Variants in EIF3I observed in about 807,000 individuals in gnomAD.
The protein encoded by EIF3I is TGF-beta receptor-interacting protein 1.
Under a neutral mutation model 43.3 loss-of-function variants are expected in EIF3I, and 20 were observed. That is an observed-to-expected ratio of 0.46 (90% CI 0.32 to 0.67). The LOEUF (loss-of-function observed/expected upper bound fraction) is 0.67. Ranked by LOEUF, EIF3I falls within the 30% of genes least tolerant of loss-of-function variation. The pLI is 0.03. For missense variants in EIF3I, 279 were observed against 421.4 expected (o/e 0.66, Z 2.96); for synonymous variants, 167 against 151.7 (o/e 1.10, Z -0.74).
chr1:32,229,161 C>T (rs777645990), exon 9 of EIF3I: 11 of 1,614,150 alleles, frequency 6.8e-6, no homozygotes, highest in Non-Finnish European at 9.3e-6. Context: ...GTCAGGAAGC[C>T]ATGGATGTAA....
At chr1:32,226,357 G>C (rs751405254) in intron 5 of EIF3I, 37 bp downstream of exon 5, 1 of 1,613,738 alleles carries the variant, frequency 6.2e-7, no homozygotes, top group East Asian at 2.2e-5. Flanking sequence ...TGAGGTAAAG[G>C]GTACAGTTCT....
rs573555723 is a variant in EIF3I at position 32,226,436 on chromosome 1, A to G, written c.434A>G (p.Asn145Ser). Residue 145 changes from asparagine to serine, a missense_variant, in exon 6 of 12, where the codon AAT becomes AGT. Asn to Ser is a conservative substitution (Grantham distance 46, BLOSUM62 1). This residue lies in a region of EIF3I where 156 missense variants were observed against 178.8 expected (regional missense o/e 0.87). Coordinates refer to ENST00000676679, the Ensembl canonical transcript of EIF3I. ...GAGCCCTACATGAAGATCCCTTGCA[A>G]TGACTCTAAAATCACCAGTGCTGTT... 1.7e-4 allele frequency: 266 copies of G among 1,604,336 alleles called. 2 individuals carry two copies. The highest frequency in any genetic ancestry group is 1.4e-3 in the South Asian group (124 of 89,336).
chr1:32,234,187 A>T (rs1218815168), downstream of EIF3I: 1 of 151,880 alleles, frequency 6.6e-6, no homozygotes, highest in African/African-American at 2.4e-5. Context: ...AATCCCAGCT[A>T]CTCGGGAGGC....
In EIF3I at chr1:32,229,321, C is replaced by T. The variant is rs536265271; in HGVS notation, c.803+113C>T. 6.3e-5 allele frequency: 71 copies of T among 1,126,960 alleles called. No individual in the cohort carries two copies. In the East Asian group the frequency reaches 9.1e-4, roughly 14 times the overall value. 69.8% of individuals were successfully genotyped at this position (1,126,960 alleles called of 1,614,324 possible). Reference sequence around the variant, plus strand: ...TGTCGCCTAGGCTGGAGCGCAGTGGCGTGATCTCTGCTCACTGCAAGCTCT... The same window carrying T: ...TGTCGCCTAGGCTGGAGCGCAGTGGTGTGATCTCTGCTCACTGCAAGCTCT... On this transcript the variant is annotated intron_variant, in intron 9 of 11. Transcript: ENST00000676679.
At chr1:32,233,029 T>C (rs901469031), downstream of EIF3I, among the ~76,000 whole-genome samples, 1 of 152,238 alleles carries the variant, frequency 6.6e-6, no homozygotes, top group Non-Finnish European at 1.5e-5. Flanking sequence ...AGTCCCACCC[T>C]GTTGCCTAGG....
chr1:32,226,246 T>C (rs757619150), exon 5 of EIF3I: 9 of 1,613,986 alleles, frequency 5.6e-6, no homozygotes, highest in South Asian at 1.1e-5. Context: ...AACATCATCA[T>C]GTTCTCCACG....
At chr1:32,224,230 C>T in intron 3 of EIF3I, 109 bp downstream of exon 3, 1 of 1,146,668 alleles carries the variant, frequency 8.7e-7, no homozygotes, top group Non-Finnish European at 1.3e-6. Flanking sequence ...GAGAACGATA[C>T]CTCCTACTCC....
intron 6 of EIF3I, among the ~76,000 whole-genome samples, chr1:32,228,037 G>A (rs1203123991): frequency 1.3e-5 from 2 of 152,178 alleles, no homozygotes; most frequent in Non-Finnish European, 1.5e-5. Flanking sequence ...AGAATAAATG[G>A]AGCTTCAAGC....
chr1:32,230,424 G>A (rs914551607), intron 10 of EIF3I, among the ~76,000 whole-genome samples: 2 of 151,888 alleles, frequency 1.3e-5, no homozygotes, highest in African/African-American at 4.8e-5. Flanking sequence ...TAGTAGAGAT[G>A]TTGGCCAGGC....
At position 32,226,060 on chromosome 1, in the gene EIF3I, AG is replaced by A. The variant is rs1303085664; in HGVS notation, c.251-110del. On this transcript the variant is annotated intron_variant, in intron 4 of 11. Coordinates refer to ENST00000676679, the Ensembl canonical transcript of EIF3I. ...AAAAGAAAAGTTAAAATACTTTTTA[AG>A]TTTGGGTCACTGGAGCAAGACAAAC... The A allele has an allele frequency of 5.8e-6, 8 of 1,373,354 alleles. No individual in the cohort carries two copies. The African/African-American group carries it at 1.2e-4, about 20-fold the overall frequency. The allele number at this position is 1,373,354 out of a possible 1,614,324, so 85.1% of individuals were successfully genotyped here. A position where few individuals can be genotyped will look rare whatever the true frequency, so the allele number is the denominator to read the frequency against.
At chr1:32,223,018 C>T (rs1639055253) in intron 2 of EIF3I, among the ~76,000 whole-genome samples, 2 of 152,104 alleles carry the variant, frequency 1.3e-5, no homozygotes, top group Admixed American at 6.5e-5. Context: ...CGCTTGAGCG[C>T]GGTGAGCTGA....
At chr1:32,236,079 T>G (rs2124275139), downstream of EIF3I, among the ~76,000 whole-genome samples, 1 of 152,362 alleles carries the variant, frequency 6.6e-6, no homozygotes, top group African/African-American at 2.4e-5. Flanking sequence ...ATCCATGGTT[T>G]CACTTTCTGA....
intron 9 of EIF3I, among the ~76,000 whole-genome samples, chr1:32,229,962 C>A (rs1639210160): frequency 6.6e-6 from 1 of 152,176 alleles, no homozygotes; most frequent in Non-Finnish European, 1.5e-5. Flanking sequence ...TTATTAAGCT[C>A]TTTAAGCACT....
intron 9 of EIF3I, among the ~76,000 whole-genome samples, chr1:32,229,574 G>A (rs1003880408): frequency 4.0e-5 from 4 of 100,118 alleles, no homozygotes; most frequent in Admixed American, 2.5e-4. Context: ...TTTTTGACAC[G>A]GAGTCTTGCT....
At chr1:32,224,321 T>C (rs1639105317) in intron 3 of EIF3I, 89 bp from the exon 4 acceptor site, 11 of 1,254,574 alleles carry the variant, frequency 8.8e-6, no homozygotes, top group Admixed American at 1.7e-5. Flanking sequence ...GAAAGGCTCT[T>C]TGGGGCTGAA....
chr1:32,227,714 G>T (rs1639169044), intron 6 of EIF3I, among the ~76,000 whole-genome samples: 1 of 152,172 alleles, frequency 6.6e-6, no homozygotes, highest in Non-Finnish European at 1.5e-5. Flanking sequence ...GATTGAGGCT[G>T]CAGTGAGCCA....
chr1:32,235,571 G>A (rs536913920), downstream of EIF3I, among the ~76,000 whole-genome samples: 4 of 152,190 alleles, frequency 2.6e-5, no homozygotes, highest in South Asian at 2.1e-4. Flanking sequence ...CGCCCACCTC[G>A]GCCTCCCAAA....
intron 10 of EIF3I, among the ~76,000 whole-genome samples, chr1:32,230,669 C>T (rs1639221630): frequency 6.6e-6 from 1 of 152,126 alleles, no homozygotes; most frequent in Non-Finnish European, 1.5e-5. Context: ...AACCCCATCT[C>T]TACTAAAAAT....
At chr1:32,226,428 C>T (rs1639147928) in exon 6 of EIF3I, 2 of 1,604,840 alleles carry the variant, frequency 1.2e-6, no homozygotes, top group Non-Finnish European at 1.7e-6. Context: ...ACATGAAGAT[C>T]CCTTGCAATG....
Sources: gnomAD v4.1 joint callset for allele counts (sites outside exome capture counted in the v4.1 genomes callset) on GRCh38, gnomAD v4.1.1 for gene constraint, gnomAD v4.1.1 regional missense constraint, MANE v1.5 for transcripts, NCBI Gene and HGNC (gene_info 2026-07-23, HGNC 2026-07-21) for gene names.